ABI2: variants seen among roughly 807,000 people sequenced by gnomAD.
ABI2 encodes the protein abl interactor 2.
A neutral mutation model predicts 59.2 loss-of-function variants in ABI2; 25 were observed. The observed-to-expected ratio is 0.42, with a 90% CI of 0.31 to 0.59. The LOEUF (loss-of-function observed/expected upper bound fraction) is 0.59, where lower values mean the gene tolerates loss of function less well. Ranked by LOEUF, ABI2 falls within the 20% of genes least tolerant of loss-of-function variation. The pLI, the probability that ABI2 is intolerant of heterozygous loss-of-function variation, is 0.14. For synonymous variants in ABI2, 213 were observed against 235.5 expected (o/e 0.90, Z 0.87); for missense variants, 545 against 681.8 (o/e 0.80, Z 2.23).
intron 1 of ABI2, among the ~76,000 whole-genome samples, chr2:203,338,982 AAATATATATATAT>A (rs2078174535): frequency 9.2e-5 from 1 of 10,904 alleles, no homozygotes; most frequent in Admixed American, 1.4e-3. Context: ...ATATATATAT[AAATATATATATAT>A]ATATATATAT....
chr2:203,366,378 T>C (rs2094448902), intron 1 of ABI2, among the ~76,000 whole-genome samples: 1 of 152,144 alleles, frequency 6.6e-6, no homozygotes, highest in Admixed American at 6.5e-5. Flanking sequence ...ATTTTATTTA[T>C]CATATTATTT....
In ABI2 at chr2:203,430,301, C is replaced by T. The variant is rs1157242694; in HGVS notation, c.*2949C>T. On this transcript the variant is annotated 3_prime_UTR_variant, in exon 12 of 12. Transcript: ENST00000261018. Reference sequence around the variant, plus strand: ...ACTATTAATATTATAACAGACGATCCAAGTCCAAAATCTGACCAATAAAGC... The same window carrying T: ...ACTATTAATATTATAACAGACGATCTAAGTCCAAAATCTGACCAATAAAGC... 1 of 151,880 alleles carries T rather than the reference C, an allele frequency of 6.6e-6. No individual in the cohort carries two copies. Among genetic ancestry groups the T allele is most frequent in the African/African-American group, 2.4e-5 (1 of 41,328 alleles). 9.4% of individuals were successfully genotyped at this position (151,880 alleles called of 1,614,324 possible). A position where few individuals can be genotyped will look rare whatever the true frequency, so the allele number is the denominator to read the frequency against.
chr2:203,426,736 C>A, intron 11 of ABI2, among the ~76,000 whole-genome samples: 1 of 144,530 alleles, frequency 6.9e-6, no homozygotes, highest in Non-Finnish European at 1.5e-5. Flanking sequence ...ACTTGACTCT[C>A]ATAGTGTATC....
At chr2:203,388,909 C>A (rs774024477) in intron 4 of ABI2, among the ~76,000 whole-genome samples, 2 of 152,044 alleles carry the variant, frequency 1.3e-5, no homozygotes, top group Admixed American at 6.5e-5. Context: ...CTCTTAAATT[C>A]CTGCTCCTTT....
At chr2:203,381,070 T>C (rs1224485353) in intron 3 of ABI2, among the ~76,000 whole-genome samples, 1 of 152,196 alleles carries the variant, frequency 6.6e-6, no homozygotes, top group Non-Finnish European at 1.5e-5. Context: ...TAAATAAATA[T>C]ACATGCTTAT....
At chr2:203,385,444 T>C (rs1049863399) in intron 4 of ABI2, among the ~76,000 whole-genome samples, 4 of 152,150 alleles carry the variant, frequency 2.6e-5, no homozygotes, top group African/African-American at 7.2e-5. Context: ...TTCTTAATAA[T>C]TAATGAGCAG....
In ABI2 at chr2:203,380,434, C is replaced by A. The variant is rs909606291; in HGVS notation, c.462+50C>A. ...TTAAAAGTAGTAACCCATAATGAAA[C>A]CAACTCTTGAGAAAATTAAGCTTTT... On this transcript the variant is annotated intron_variant, in intron 3 of 11. Coordinates refer to ENST00000261018, the MANE Select transcript of ABI2 (RefSeq NM_001375670.1). 6 of 1,196,498 alleles carry A rather than the reference C, an allele frequency of 5.0e-6. No homozygotes were observed. The African/African-American group carries it at 9.5e-5, about 19-fold the overall frequency. 74.1% of individuals were successfully genotyped at this position (1,196,498 alleles called of 1,614,324 possible). A position where few individuals can be genotyped will look rare whatever the true frequency, so the allele number is the denominator to read the frequency against.
At chr2:203,374,408 G>A (rs2095534993) in intron 2 of ABI2, among the ~76,000 whole-genome samples, 3 of 149,196 alleles carry the variant, frequency 2.0e-5, no homozygotes, top group Admixed American at 1.5e-4. Context: ...GCTGAGGTAG[G>A]AGAATTGCTT....
At position 203,429,214 on chromosome 2, in the gene ABI2, T is replaced by G. The variant is rs896997915; in HGVS notation, c.*1862T>G. On this transcript the variant is annotated 3_prime_UTR_variant, in exon 12 of 12. Transcript: ENST00000261018. ...CAGTATACATTCCACTTCGTGCTTT[T>G]CTTAGGTCATTTCTACATCCCTTAT... is the stretch of plus-strand genomic sequence containing the variant. 2.0e-5 allele frequency: 3 copies of G among 152,248 alleles called. No homozygotes were observed. Among genetic ancestry groups the G allele is most frequent in the Non-Finnish European group, 2.9e-5 (2 of 68,040 alleles). 9.4% of individuals were successfully genotyped at this position (152,248 alleles called of 1,614,324 possible). A position where few individuals can be genotyped will look rare whatever the true frequency, so the allele number is the denominator to read the frequency against.
intron 1 of ABI2, among the ~76,000 whole-genome samples, chr2:203,363,722 T>C (rs912901247): frequency 6.6e-6 from 1 of 152,244 alleles, no homozygotes; most frequent in African/African-American, 2.4e-5. Context: ...TTATTTTTTA[T>C]GGCCGAATAG....
intron 2 of ABI2, among the ~76,000 whole-genome samples, chr2:203,374,566 C>T (rs565454752): frequency 1.0e-4 from 15 of 149,292 alleles, no homozygotes; most frequent in East Asian, 3.9e-4. Context: ...GTTATCAATA[C>T]GTAATTATGC....
At chr2:203,398,908 T>C (rs977039703) in intron 8 of ABI2, among the ~76,000 whole-genome samples, 1 of 152,224 alleles carries the variant, frequency 6.6e-6, no homozygotes, top group African/African-American at 2.4e-5. Context: ...TTAGTAGTGT[T>C]GTATTGTATG....
intron 2 of ABI2, among the ~76,000 whole-genome samples, chr2:203,379,912 C>T (rs1366575325): frequency 6.6e-6 from 1 of 152,106 alleles, no homozygotes; most frequent in Non-Finnish European, 1.5e-5. Flanking sequence ...ATAATTTTCA[C>T]GTGAAGGTTT....
intron 2 of ABI2, among the ~76,000 whole-genome samples, chr2:203,372,255 C>G: frequency 6.6e-6 from 1 of 152,210 alleles, no homozygotes; most frequent in East Asian, 1.9e-4. Context: ...CTAAGGTCAC[C>G]GATCAACAGG....
intron 10 of ABI2, among the ~76,000 whole-genome samples, chr2:203,413,296 A>G (rs1447469684): frequency 6.6e-6 from 1 of 152,214 alleles, no homozygotes; most frequent in South Asian, 2.1e-4. Flanking sequence ...ATAGGATTTA[A>G]AGCAGGATGT....
intron 1 of ABI2, chr2:203,328,868 C>G: frequency 3.1e-6 from 1 of 319,080 alleles, no homozygotes; most frequent in East Asian, 5.1e-5. Context: ...GCGTGTGTCG[C>G]GTCCCGCCTC....
intron 1 of ABI2, among the ~76,000 whole-genome samples, chr2:203,344,498 T>C (rs1400954617): frequency 2.0e-5 from 3 of 152,110 alleles, no homozygotes; most frequent in Non-Finnish European, 4.4e-5. Flanking sequence ...CCTGAGTAGC[T>C]GTGATTACAG....
chr2:203,373,332 G>C (rs1322539995), intron 2 of ABI2, among the ~76,000 whole-genome samples: 1 of 152,228 alleles, frequency 6.6e-6, no homozygotes, highest in Admixed American at 6.5e-5. Flanking sequence ...GCGTGGCGGC[G>C]CGCGCCTGTA....
chr2:203,328,834 C>G, intron 1 of ABI2: 1 of 377,222 alleles, frequency 2.7e-6, no homozygotes, highest in South Asian at 9.5e-5. Flanking sequence ...TTTAAAAAAG[C>G]GGTGAAGCAG....
Sources: allele counts gnomAD v4.1 joint callset (sites outside exome capture counted in the v4.1 genomes callset), GRCh38; gene constraint gnomAD v4.1.1; transcripts MANE v1.5; gene names NCBI Gene and HGNC (gene_info 2026-07-23, HGNC 2026-07-21).